WDR1: variants seen among roughly 807,000 people sequenced by gnomAD.
WDR1 encodes WD repeat domain 1.
In WDR1, 21 loss-of-function variants were observed where a neutral mutation model predicts 71.9. That is an observed-to-expected ratio of 0.29 (90% CI 0.21 to 0.42). The LOEUF (loss-of-function observed/expected upper bound fraction) is 0.42, where lower values mean the gene tolerates loss of function less well. Among genes scored for constraint, WDR1 ranks in the 10% least tolerant of loss-of-function variants. WDR1 has a pLI of 1.00. For missense variants in WDR1, 696 were observed against 824.5 expected, an observed-to-expected ratio of 0.84 and a Z score of 1.91; for synonymous variants, 424 against 347.4, an observed-to-expected ratio of 1.22 and a Z score of -2.45.
intron 11 of WDR1, among the ~76,000 whole-genome samples, chr4:10,081,062 C>T (rs181302880): frequency 1.3e-5 from 2 of 152,264 alleles, no homozygotes; most frequent in East Asian, 1.9e-4. Context: ...ATAGACTTTA[C>T]AGGCTGACAG....
chr4:10,095,555 G>A (rs542933559), intron 5 of WDR1, among the ~76,000 whole-genome samples: 2 of 152,142 alleles, frequency 1.3e-5, no homozygotes, highest in South Asian at 2.1e-4. Flanking sequence ...TGGAGAGCAC[G>A]ACCGCAGCTT....
At chr4:10,106,874 T>A (rs1713052839) in intron 2 of WDR1, among the ~76,000 whole-genome samples, 1 of 152,028 alleles carries the variant, frequency 6.6e-6, no homozygotes, top group Non-Finnish European at 1.5e-5. Context: ...CCCAGAAAGA[T>A]ACCTCACACC....
chr4:10,081,992 T>A (rs1765035071), intron 10 of WDR1, among the ~76,000 whole-genome samples: 1 of 152,216 alleles, frequency 6.6e-6, no homozygotes, highest in African/African-American at 2.4e-5. Flanking sequence ...CGGCCAAGTG[T>A]GGCATCCCCA....
At chr4:10,081,004 C>A (rs889607406) in intron 11 of WDR1, among the ~76,000 whole-genome samples, 4 of 152,146 alleles carry the variant, frequency 2.6e-5, no homozygotes, top group Admixed American at 6.5e-5. Flanking sequence ...TGCAGCAGGG[C>A]TGGGATGTGA....
At chr4:10,092,838 G>T (rs953162226) in intron 5 of WDR1, 3 of 366,820 alleles carry the variant, frequency 8.2e-6, no homozygotes, top group South Asian at 5.9e-5. Flanking sequence ...GCCCTCACCG[G>T]CCCCCTGCCT....
intron 6 of WDR1, 141 bp downstream of exon 6, chr4:10,088,523 G>A (rs2109657969): frequency 2.7e-6 from 3 of 1,118,174 alleles, no homozygotes; most frequent in South Asian, 2.7e-5. Context: ...ACTGGGCTCT[G>A]ACGACGAGTC....
At position 10,083,081 on chromosome 4, in the gene WDR1, G is replaced by C; in HGVS notation, c.1137C>G (p.Leu379=). Residue 379 remains leucine, a synonymous_variant, in exon 10 of 15, where the codon CTC becomes CTG. Transcript: ENST00000499869. ...CGGTGTCGTCCATGCTGCAGCTGAT[G>C]AGCTGCCCCGACTCATCCACGGTCA... is the stretch of plus-strand genomic sequence containing the variant. The part of the protein sequence containing the change: ...SRMTVDESGQ[L]ISCSMDDTVR... 6.2e-7 allele frequency: 1 copy of C among 1,613,884 alleles called. No individual in the cohort carries two copies. Among genetic ancestry groups the C allele is most frequent in the Non-Finnish European group, 8.5e-7 (1 of 1,179,870 alleles).
chr4:10,114,442 G>A (rs969794120), intron 2 of WDR1, among the ~76,000 whole-genome samples: 18 of 152,188 alleles, frequency 1.2e-4, no homozygotes, highest in Non-Finnish European at 2.9e-5. Flanking sequence ...CCCATGTGGG[G>A]TGGAAAGAGA....
At chr4:10,099,693 A>G (rs1463123731) in intron 3 of WDR1, among the ~76,000 whole-genome samples, 1 of 152,220 alleles carries the variant, frequency 6.6e-6, no homozygotes, top group East Asian at 1.9e-4. Flanking sequence ...GGCGGCCTCC[A>G]CCTGGGCCTG....
chr4:10,097,130 C>T (rs959374857), intron 5 of WDR1, among the ~76,000 whole-genome samples: 1 of 152,268 alleles, frequency 6.6e-6, no homozygotes, highest in African/African-American at 2.4e-5. Context: ...AGTGAGGAGG[C>T]TTGGCAAGGC....
chr4:10,097,467 C>G (rs1003361378), intron 5 of WDR1, among the ~76,000 whole-genome samples: 1 of 152,246 alleles, frequency 6.6e-6, no homozygotes, highest in African/African-American at 2.4e-5. Context: ...CCGACAGGCA[C>G]ACATCATCCT....
intron 9 of WDR1, chr4:10,083,606 G>A: frequency 2.1e-6 from 1 of 484,642 alleles, no homozygotes; most frequent in Non-Finnish European, 4.1e-6. Flanking sequence ...TACAGCACAT[G>A]CGGACCAGAG....
Position 10,077,819 on chromosome 4 carries a change from G to A in WDR1, c.1503C>T (p.Gly501=), listed in dbSNP as rs768668793. Reference sequence around the variant, plus strand: ...TGGCGTCGCACACCGCGAGGAAGGCGCCGTCGTGGGAGTAGGCCACGTCGG... The same window carrying A: ...TGGCGTCGCACACCGCGAGGAAGGCACCGTCGTGGGAGTAGGCCACGTCGG... ...PVTDVAYSHD[G]AFLAVCDASK... is the part of the protein sequence containing the mutation. Residue 501 remains glycine, a synonymous_variant, in exon 13 of 15, where the codon GGC becomes GGT. Coordinates refer to ENST00000499869, the MANE Select transcript of WDR1 (RefSeq NM_017491.5). The A allele has an allele frequency of 2.1e-5, 33 of 1,607,204 alleles. No individual in the cohort carries two copies. The highest frequency in any genetic ancestry group is 3.3e-4 in the Middle Eastern group (2 of 6,070).
At position 10,116,784 on chromosome 4, in the gene WDR1, G is replaced by A; in HGVS notation, c.-118C>T. 1 of 1,176,114 alleles carries A rather than the reference G, an allele frequency of 8.5e-7. No individual in the cohort carries two copies. The highest frequency in any genetic ancestry group is 3.0e-5 in the South Asian group (1 of 32,994). The allele number at this position is 1,176,114 out of a possible 1,614,324, so 72.9% of individuals were successfully genotyped here. The stretch of plus-strand genomic sequence containing the variant: ...CTGGAGCCGGAAGGCGGCACCGGGC[G>A]TGCCGGGAGTGGAGTGGGCGGTCCG... On this transcript the variant is annotated 5_prime_UTR_variant, in exon 1 of 15. In the 5' UTR this introduces an upstream ATG that the reference lacks. Coordinates refer to ENST00000499869, the MANE Select transcript of WDR1 (RefSeq NM_017491.5).
At chr4:10,080,724 G>C (rs1311403538) in intron 11 of WDR1, among the ~76,000 whole-genome samples, 1 of 152,228 alleles carries the variant, frequency 6.6e-6, no homozygotes, top group Non-Finnish European at 1.5e-5. Flanking sequence ...TTGGGTCTCA[G>C]GTGGCTTTGG....
At chr4:10,081,579 C>A (rs1025120627) in intron 10 of WDR1, 135 bp from the exon 11 acceptor site, 1 of 664,522 alleles carries the variant, frequency 1.5e-6, no homozygotes, top group African/African-American at 1.9e-5. Flanking sequence ...GAGAGACTTG[C>A]TAAAATATGG....
intron 2 of WDR1, 88 bp downstream of exon 2, chr4:10,116,025 C>A: frequency 6.6e-7 from 1 of 1,522,000 alleles, no homozygotes; most frequent in Non-Finnish European, 8.9e-7. Context: ...GGCCAATGGG[C>A]AGGAGGTGAG....
intron 5 of WDR1, among the ~76,000 whole-genome samples, chr4:10,097,072 C>G (rs1340815536): frequency 6.6e-6 from 1 of 152,232 alleles, no homozygotes; most frequent in Non-Finnish European, 1.5e-5. Context: ...TAGTCAAAAC[C>G]CTCAGATGCT....
chr4:10,077,624 G>T, intron 13 of WDR1, 129 bp downstream of exon 13: 1 of 1,454,436 alleles, frequency 6.9e-7, no homozygotes, highest in Non-Finnish European at 9.2e-7. Context: ...CGAGGCACCT[G>T]CTACTTGTAG....
Sources: gnomAD v4.1 joint callset for allele counts (sites outside exome capture counted in the v4.1 genomes callset) on GRCh38, gnomAD v4.1.1 for gene constraint, MANE v1.5 for transcripts, NCBI Gene and HGNC (gene_info 2026-07-23, HGNC 2026-07-21) for gene names.